MAP3K5: variants seen among roughly 807,000 people sequenced by gnomAD.
MAP3K5 encodes the protein mitogen-activated protein kinase kinase kinase 5, also known as ASK-1.
A neutral mutation model predicts 158.7 loss-of-function variants in MAP3K5; 56 were observed. The observed-to-expected ratio is 0.35, with a 90% confidence interval of 0.28 to 0.44. The LOEUF is 0.44. Among genes scored for constraint, MAP3K5 ranks in the 20% least tolerant of loss-of-function variants. MAP3K5 has a pLI of 1.00. For synonymous variants in MAP3K5, 579 were observed against 601.7 expected, an observed-to-expected ratio of 0.96 and a Z score of 0.55; for missense variants, 1,294 against 1,674.8, an observed-to-expected ratio of 0.77 and a Z score of 3.97.
chr6:136,605,538 T>C (rs549804639), intron 18 of MAP3K5, among the ~76,000 whole-genome samples, 172 bp from the exon 19 acceptor site: 69 of 152,364 alleles, frequency 4.5e-4, no homozygotes, highest in African/African-American at 1.6e-3. Flanking sequence ...AAAGTGGAAA[T>C]AGCAGTTTTT....
At chr6:136,715,549 CAT>C (rs1043604634) in intron 2 of MAP3K5, among the ~76,000 whole-genome samples, 20 of 152,178 alleles carry the variant, frequency 1.3e-4, no homozygotes, top group Admixed American at 4.6e-4. Flanking sequence ...ATTCCATGCA[CAT>C]GTCTATCCTT....
At chr6:136,684,229 A>T (rs11154879) in intron 7 of MAP3K5, among the ~76,000 whole-genome samples, 34,133 of 145,660 alleles carry the variant, frequency 0.23, 3,919 homozygotes, top group Non-Finnish European at 0.26. Context: ...TTTTTTTTTT[A>T]AAAAAAAAAG....
intron 1 of MAP3K5, among the ~76,000 whole-genome samples, chr6:136,791,393 A>G (rs527303289): frequency 6.6e-6 from 1 of 152,266 alleles, no homozygotes; most frequent in South Asian, 2.1e-4. Context: ...AGACACTGAA[A>G]GGAGAAAGAC....
At chr6:136,646,418 T>G (rs1407666494) in intron 11 of MAP3K5, among the ~76,000 whole-genome samples, 1 of 152,232 alleles carries the variant, frequency 6.6e-6, no homozygotes, top group East Asian at 1.9e-4. Context: ...GAGGCTCACT[T>G]TACTGAGCAA....
Position 136,737,033 on chromosome 6 carries a change from G to GTATA in MAP3K5, c.449-16445_449-16444insTATA, listed in dbSNP as rs796790486. Among the ~76,000 whole-genome samples, 104 of 112,006 alleles carry GTATA rather than the reference G, an allele frequency of 9.3e-4. 1 individual carries two copies. The highest frequency in any genetic ancestry group is 8.9e-3 in the East Asian group (40 of 4,478). The allele number at this position is 112,006 out of a possible 152,430, so 73.5% of individuals were successfully genotyped here. On this transcript the variant is annotated intron_variant, in intron 1 of 29. Transcript: ENST00000359015. ...AAATTAATTTTACATATATATATGTGTGTGTATATATATATATATATATAA... is the reference window on the plus strand; with the variant it reads ...AAATTAATTTTACATATATATATGTGTATATGTGTATATATATATATATATATAA...
At chr6:136,716,386 T>C (rs77761220) in intron 2 of MAP3K5, among the ~76,000 whole-genome samples, 1,614 of 152,330 alleles carry the variant, frequency 0.011, 13 homozygotes, top group Middle Eastern at 0.024. Flanking sequence ...TTCATCCTGT[T>C]GTTTTGCTTC....
At chr6:136,740,820 C>T (rs1242576890) in intron 1 of MAP3K5, among the ~76,000 whole-genome samples, 4 of 152,176 alleles carry the variant, frequency 2.6e-5, no homozygotes, top group Non-Finnish European at 5.9e-5. Context: ...ATAAACCAGA[C>T]TTCTGAGAAG....
chr6:136,731,839 G>A (rs1782239309), intron 1 of MAP3K5, among the ~76,000 whole-genome samples: 1 of 152,130 alleles, frequency 6.6e-6, no homozygotes, highest in African/African-American at 2.4e-5. Context: ...CAAGGTCCAT[G>A]GTAGGCACCT....
intron 25 of MAP3K5, among the ~76,000 whole-genome samples, chr6:136,575,161 A>ATTT (rs60443578): frequency 6.3e-5 from 8 of 127,416 alleles, no homozygotes; most frequent in Non-Finnish European, 1.2e-4. Context: ...ATACAATACT[A>ATTT]TTTTTTTTTT....
At chr6:136,655,355 G>C (rs942741470) in intron 10 of MAP3K5, among the ~76,000 whole-genome samples, 4 of 152,210 alleles carry the variant, frequency 2.6e-5, no homozygotes, top group African/African-American at 9.6e-5. Flanking sequence ...AAAGTGAAGT[G>C]TTTCAGTTAG....
chr6:136,718,891 G>T (rs1446875898), intron 2 of MAP3K5, among the ~76,000 whole-genome samples: 1 of 152,122 alleles, frequency 6.6e-6, no homozygotes, highest in Non-Finnish European at 1.5e-5. Context: ...ATCTATCTAG[G>T]TGATCTAGGT....
At chr6:136,782,668 C>G (rs1302701800) in intron 1 of MAP3K5, among the ~76,000 whole-genome samples, 1 of 152,176 alleles carries the variant, frequency 6.6e-6, no homozygotes, top group Non-Finnish European at 1.5e-5. Flanking sequence ...TTCTGTTACC[C>G]TGTGCAACTT....
At chr6:136,634,435 G>C (rs1583310103) in intron 14 of MAP3K5, among the ~76,000 whole-genome samples, 1 of 152,168 alleles carries the variant, frequency 6.6e-6, no homozygotes, top group Non-Finnish European at 1.5e-5. Flanking sequence ...ACTAAGCCAA[G>C]ACTCTTGAAG....
At chr6:136,565,175 G>A (rs560178954) in intron 26 of MAP3K5, among the ~76,000 whole-genome samples, 12 of 152,214 alleles carry the variant, frequency 7.9e-5, no homozygotes, top group South Asian at 4.1e-4. Context: ...CATTTGCTCC[G>A]AATCCAGCTC....
intron 1 of MAP3K5, among the ~76,000 whole-genome samples, chr6:136,791,054 A>T (rs1047277422): frequency 2.0e-5 from 3 of 152,248 alleles, no homozygotes; most frequent in African/African-American, 7.2e-5. Flanking sequence ...GTAATAAAAA[A>T]CAGGCCCTGG....
intron 21 of MAP3K5, among the ~76,000 whole-genome samples, chr6:136,595,839 G>T (rs1053021723): frequency 6.6e-6 from 1 of 151,972 alleles, no homozygotes; most frequent in Admixed American, 6.6e-5. Context: ...GTGAAACCTC[G>T]CTTCTACTAA....
intron 1 of MAP3K5, among the ~76,000 whole-genome samples, chr6:136,777,489 A>G (rs764439344): frequency 1.3e-5 from 2 of 152,222 alleles, no homozygotes; most frequent in Non-Finnish European, 2.9e-5. Flanking sequence ...TTTTCCCTGG[A>G]TCAACCAAAG....
intron 1 of MAP3K5, among the ~76,000 whole-genome samples, chr6:136,763,605 T>C (rs1165215176): frequency 6.6e-6 from 1 of 152,168 alleles, no homozygotes; most frequent in Non-Finnish European, 1.5e-5. Flanking sequence ...TGAATTTCAA[T>C]TGCTACTTTT....
intron 28 of MAP3K5, 49 bp from the exon 29 acceptor site, chr6:136,558,925 T>A: frequency 1.1e-6 from 1 of 926,692 alleles, no homozygotes; most frequent in East Asian, 2.4e-5. Flanking sequence ...ATAACTTTAA[T>A]AAAGCACAAA....
Sources: allele counts gnomAD v4.1 joint callset (sites outside exome capture counted in the v4.1 genomes callset), GRCh38; gene constraint gnomAD v4.1.1; transcripts MANE v1.5; gene names NCBI Gene and HGNC (gene_info 2026-07-23, HGNC 2026-07-21).